The following TSPAN14 variants were observed in gnomAD, a reference collection of about 807,000 sequenced individuals.
TSPAN14 encodes the protein tetraspanin 14, also known as tetraspanin-14.
In TSPAN14, 16 loss-of-function variants were observed where a neutral mutation model predicts 36.6. That is an observed-to-expected ratio of 0.44 (90% CI 0.30 to 0.66). The LOEUF (loss-of-function observed/expected upper bound fraction) is 0.66. Among genes scored for constraint, TSPAN14 ranks in the 30% least tolerant of loss-of-function variants. The pLI is 0.12. For missense variants in TSPAN14, 231 were observed against 355.1 expected (o/e 0.65, Z 2.81); for synonymous variants, 139 against 143.8 (o/e 0.97, Z 0.24).
At chr10:80,486,511 T>C (rs906259309) in intron 1 of TSPAN14, among the ~76,000 whole-genome samples, 2 of 152,152 alleles carry the variant, frequency 1.3e-5, no homozygotes, top group African/African-American at 4.8e-5. Flanking sequence ...AGGGGGAAGT[T>C]TGGCTTTTCT....
chr10:80,493,094 C>T (rs1489786324), intron 2 of TSPAN14, among the ~76,000 whole-genome samples: 5 of 152,060 alleles, frequency 3.3e-5, no homozygotes, highest in South Asian at 4.2e-4. Flanking sequence ...TTTTTGAGAG[C>T]GCTAGTGTTT....
intron 1 of TSPAN14, chr10:80,485,844 T>C: frequency 2.9e-6 from 1 of 343,230 alleles, no homozygotes; most frequent in Non-Finnish European, 4.1e-6. Context: ...GGGGAAAAAG[T>C]GTCACTGGGA....
intron 1 of TSPAN14, among the ~76,000 whole-genome samples, chr10:80,474,733 C>T (rs1191578668): frequency 1.3e-5 from 2 of 152,114 alleles, no homozygotes; most frequent in African/African-American, 4.8e-5. Context: ...GCTCGCAGTG[C>T]CTTTGTGCAG....
chr10:80,456,828 C>T (rs937018813), intron 1 of TSPAN14, among the ~76,000 whole-genome samples: 3 of 152,056 alleles, frequency 2.0e-5, no homozygotes, highest in East Asian at 1.9e-4. Flanking sequence ...TTTGGGAGGC[C>T]GAGGTGGGTG....
intron 2 of TSPAN14, among the ~76,000 whole-genome samples, chr10:80,491,158 T>TA (rs1444848299): frequency 6.6e-6 from 1 of 152,240 alleles, no homozygotes; most frequent in Non-Finnish European, 1.5e-5. Flanking sequence ...CTTGGTCTTT[T>TA]AGCCCACATC....
intron 3 of TSPAN14, 23 bp downstream of exon 3, chr10:80,504,801 A>G (rs1220294689): frequency 6.2e-7 from 1 of 1,614,020 alleles, no homozygotes; most frequent in African/African-American, 1.3e-5. Flanking sequence ...GTCGCAGGAC[A>G]CTGAGCTTCA....
chr10:80,495,329 T>C lies in TSPAN14; in HGVS notation c.81+6015T>C, dbSNP rs376469874. On this transcript the variant is annotated intron_variant, in intron 2 of 8. Transcript: ENST00000429989. The stretch of plus-strand genomic sequence containing the variant: ...CAATTCATAGGAAGTTGACTGTCTT[T>C]TGGCACTGTGTGTGTGTGTGTGTGT... Among the ~76,000 whole-genome samples the C allele has an allele frequency of 6.8e-5, 10 of 148,064 alleles. No homozygotes were observed. The East Asian group carries it at 1.6e-3, about 23-fold the overall frequency.
At chr10:80,510,255 C>G (rs527593411) in intron 5 of TSPAN14, among the ~76,000 whole-genome samples, 1 of 152,230 alleles carries the variant, frequency 6.6e-6, no homozygotes, top group Admixed American at 6.5e-5. Flanking sequence ...GAAAATAAAT[C>G]AGAAACCATT....
At chr10:80,521,149 G>A (rs1211395171) in exon 9 of TSPAN14, 3 of 273,932 alleles carry the variant, frequency 1.1e-5, no homozygotes, top group South Asian at 7.4e-5. Context: ...GCATGTGACT[G>A]TAGGTGGCTG....
intron 8 of TSPAN14, among the ~76,000 whole-genome samples, chr10:80,517,434 G>A (rs1840995970): frequency 6.6e-6 from 1 of 152,194 alleles, no homozygotes; most frequent in African/African-American, 2.4e-5. Context: ...ACCAAGGTTG[G>A]GATGGATCTT....
intron 1 of TSPAN14, among the ~76,000 whole-genome samples, chr10:80,483,303 T>C (rs1847397702): frequency 6.6e-6 from 1 of 152,186 alleles, no homozygotes; most frequent in Non-Finnish European, 1.5e-5. Flanking sequence ...GAAACCTTTT[T>C]GGAAAATCAC....
rs1420615995 is a variant in TSPAN14 at position 80,507,250 on chromosome 10, A to G, written c.155A>G (p.Lys52Arg). ...CAGGGTGTGCTGTCCGACCTCACCAAAGTGACCCGGATGCATGGAATCGAC... is the reference window on the plus strand; with the variant it reads ...CAGGGTGTGCTGTCCGACCTCACCAGAGTGACCCGGATGCATGGAATCGAC... Residue 52 changes from lysine (K) to arginine (R), a missense_variant, in exon 4 of 9, where the codon AAA becomes AGA. Transcript: ENST00000429989. The G allele has an allele frequency of 8.7e-6, 14 of 1,614,038 alleles. No homozygotes were observed. Among genetic ancestry groups the G allele is most frequent in the African/African-American group, 5.3e-5 (4 of 74,924 alleles).
intron 1 of TSPAN14, among the ~76,000 whole-genome samples, chr10:80,477,104 A>G (rs796301592): frequency 7.2e-5 from 11 of 152,338 alleles, no homozygotes; most frequent in African/African-American, 2.4e-4. Context: ...ACTCAGATCC[A>G]GCAACAGTGC....
At chr10:80,507,612 A>G (rs1401623143) in intron 4 of TSPAN14, among the ~76,000 whole-genome samples, 1 of 152,226 alleles carries the variant, frequency 6.6e-6, no homozygotes, top group African/African-American at 2.4e-5. Context: ...CCAGCTGCCT[A>G]TAGGCCAGCT....
At chr10:80,479,706 T>C (rs1032916459) in intron 1 of TSPAN14, among the ~76,000 whole-genome samples, 1 of 152,046 alleles carries the variant, frequency 6.6e-6, no homozygotes, top group Non-Finnish European at 1.5e-5. Flanking sequence ...CCTTGTAGTA[T>C]AGTTTGAAGT....
chr10:80,482,211 T>C (rs532334759), intron 1 of TSPAN14, among the ~76,000 whole-genome samples: 1 of 152,364 alleles, frequency 6.6e-6, no homozygotes, highest in African/African-American at 2.4e-5. Flanking sequence ...TTATGTGCAG[T>C]TATGATTTTG....
intron 1 of TSPAN14, among the ~76,000 whole-genome samples, chr10:80,482,485 G>T (rs1362869414): frequency 1.3e-5 from 2 of 149,338 alleles, no homozygotes; most frequent in Non-Finnish European, 3.0e-5. Context: ...ACGGGGTTTC[G>T]CCATGTTGAC....
intron 1 of TSPAN14, among the ~76,000 whole-genome samples, chr10:80,460,379 CAGG>C (rs929793724): frequency 6.6e-6 from 1 of 152,168 alleles, no homozygotes; most frequent in Non-Finnish European, 1.5e-5. Flanking sequence ...TTCTGGTTAA[CAGG>C]AGTTTTGCTA....
intron 1 of TSPAN14, among the ~76,000 whole-genome samples, chr10:80,465,307 G>C (rs747750407): frequency 4.0e-4 from 61 of 152,090 alleles, no homozygotes; most frequent in Non-Finnish European, 6.5e-4. Flanking sequence ...TTCCTCACGC[G>C]AGCACTCAGC....
Sources: gnomAD v4.1 joint callset for allele counts (sites outside exome capture counted in the v4.1 genomes callset) on GRCh38, gnomAD v4.1.1 for gene constraint, MANE v1.5 for transcripts, NCBI Gene and HGNC (gene_info 2026-07-23, HGNC 2026-07-21) for gene names.